Variants in HS1BP3 observed in about 807,000 individuals in gnomAD.
HS1BP3 encodes HCLS1-binding protein 3.
In HS1BP3, 32 loss-of-function variants were observed where a neutral mutation model predicts 33.5. The observed-to-expected ratio is 0.95, with a 90% confidence interval of 0.72 to 1.28. The LOEUF (loss-of-function observed/expected upper bound fraction) is 1.28. Ranked by LOEUF, HS1BP3 falls within the 50% of genes most tolerant of loss-of-function variation. HS1BP3 has a pLI of 0.00. For synonymous variants in HS1BP3, 187 were observed against 209.2 expected (o/e 0.89, Z 0.92); for missense variants, 486 against 502.3 (o/e 0.97, Z 0.31).
At chr2:20,572,311 C>T (rs1019709905) in intron 5 of HS1BP3, among the ~76,000 whole-genome samples, 8 of 152,198 alleles carry the variant, frequency 5.3e-5, no homozygotes, top group Admixed American at 3.3e-4. Flanking sequence ...CTGTTCCTAT[C>T]AGAACACTTC....
At chr2:20,630,234 T>C (rs1043157986) in intron 4 of HS1BP3, among the ~76,000 whole-genome samples, 2 of 152,254 alleles carry the variant, frequency 1.3e-5, no homozygotes, top group Non-Finnish European at 2.9e-5. Context: ...TACTTTATTC[T>C]TAAATTCAGC....
downstream of HS1BP3, among the ~76,000 whole-genome samples, chr2:20,559,148 G>C (rs1287957775): frequency 6.6e-6 from 1 of 152,180 alleles, no homozygotes; most frequent in East Asian, 1.9e-4. Flanking sequence ...GGCCAGAGAG[G>C]GAGAGGGCTA....
intron 3 of HS1BP3, among the ~76,000 whole-genome samples, chr2:20,596,905 C>T (rs78115432): frequency 2.0e-5 from 3 of 152,292 alleles, no homozygotes; most frequent in Admixed American, 1.3e-4. Context: ...ACTGCAGACC[C>T]GTGGCAGCCA....
chr2:20,589,634 A>G (rs1306250201), downstream of HS1BP3, among the ~76,000 whole-genome samples: 4 of 152,158 alleles, frequency 2.6e-5, no homozygotes, highest in African/African-American at 9.7e-5. Flanking sequence ...AGATCTGAAA[A>G]CACCAAGTTC....
intron 5 of HS1BP3, among the ~76,000 whole-genome samples, chr2:20,567,832 C>T (rs976640949): frequency 1.2e-4 from 18 of 152,224 alleles, no homozygotes; most frequent in Admixed American, 3.9e-4. Context: ...TGGAACCTGA[C>T]CCCAAGTTTG....
intron 3 of HS1BP3, among the ~76,000 whole-genome samples, chr2:20,639,842 C>G (rs1695283763): frequency 6.6e-6 from 1 of 152,192 alleles, no homozygotes; most frequent in Admixed American, 6.5e-5. Context: ...TGAGCTGGAA[C>G]CTCTTGGCAC....
Position 20,651,021 on chromosome 2 carries a change from G to A in HS1BP3, c.32+11C>T, listed in dbSNP as rs776170832. ...GAGCTGTGCGGTGTGGGGCGCGGGGGTCTGGCTCACCTGGAGGTGACGAGC... is the reference window on the plus strand; with the variant it reads ...GAGCTGTGCGGTGTGGGGCGCGGGGATCTGGCTCACCTGGAGGTGACGAGC... On this transcript the variant is annotated intron_variant, in intron 1 of 6. Coordinates refer to ENST00000304031, the MANE Select transcript of HS1BP3 (RefSeq NM_022460.4). The A allele has an allele frequency of 1.4e-5, 17 of 1,239,840 alleles. No homozygotes were observed. In the South Asian group the frequency reaches 4.8e-4, roughly 35 times the overall value. 76.8% of individuals were successfully genotyped at this position (1,239,840 alleles called of 1,614,324 possible).
intron 5 of HS1BP3, among the ~76,000 whole-genome samples, chr2:20,576,758 C>T (rs537188692): frequency 6.7e-4 from 102 of 152,096 alleles, no homozygotes; most frequent in African/African-American, 2.2e-3. Flanking sequence ...TGACCTGTCA[C>T]ACTGAGTCTA....
At chr2:20,570,543 T>C (rs1210951246) in intron 5 of HS1BP3, among the ~76,000 whole-genome samples, 1 of 152,174 alleles carries the variant, frequency 6.6e-6, no homozygotes, top group Non-Finnish European at 1.5e-5. Flanking sequence ...AGAGCCTCCA[T>C]TGCAGCCCCA....
chr2:20,579,509 G>C (rs1160868090), intron 5 of HS1BP3, among the ~76,000 whole-genome samples: 1 of 152,186 alleles, frequency 6.6e-6, no homozygotes, highest in African/African-American at 2.4e-5. Flanking sequence ...GGAGACTTCC[G>C]GCCCTCAGAG....
At chr2:20,630,473 T>C (rs1324361003) in intron 4 of HS1BP3, among the ~76,000 whole-genome samples, 1 of 152,152 alleles carries the variant, frequency 6.6e-6, no homozygotes, top group Non-Finnish European at 1.5e-5. Context: ...CTCGCTATGT[T>C]GCCCAGGCTG....
At chr2:20,646,307 G>A (rs1381075317) in intron 1 of HS1BP3, among the ~76,000 whole-genome samples, 1 of 152,130 alleles carries the variant, frequency 6.6e-6, no homozygotes, top group African/African-American at 2.4e-5. Flanking sequence ...TCTGACCATC[G>A]AGGTGAGACC....
At chr2:20,580,533 A>G (rs1395940642) in intron 5 of HS1BP3, among the ~76,000 whole-genome samples, 3 of 152,144 alleles carry the variant, frequency 2.0e-5, no homozygotes, top group Non-Finnish European at 4.4e-5. Context: ...AAAAGAAAAA[A>G]AAAGAAAAGA....
intron 2 of HS1BP3, among the ~76,000 whole-genome samples, chr2:20,600,190 G>A (rs1042104486): frequency 6.6e-5 from 10 of 152,204 alleles, no homozygotes; most frequent in East Asian, 3.9e-4. Context: ...TGTGATCTAC[G>A]GGTGTCATTA....
rs1418397708 is a variant in HS1BP3 at position 20,611,555 on chromosome 2, T to C, written c.178+12341A>G. On this transcript the variant is annotated intron_variant, in intron 2 of 3. Coordinates refer to the HS1BP3 transcript ENST00000415264. The surrounding 1 kb of genome is among the most constrained non-coding windows in gnomAD (Gnocchi z 4.9). ...TTGTTGCTCTGAGTGTGGGGTGAGC[T>C]GGAATGTACTCCCCGCTGCCGCAGT... 6.6e-6 allele frequency among the ~76,000 whole-genome samples: 1 copy of C among 152,178 alleles called. No homozygotes were observed. The highest frequency in any genetic ancestry group is 1.9e-4 in the East Asian group (1 of 5,198).
intron 4 of HS1BP3, among the ~76,000 whole-genome samples, chr2:20,625,967 T>C (rs941385109): frequency 2.6e-5 from 4 of 152,006 alleles, no homozygotes; most frequent in African/African-American, 9.7e-5. Context: ...CATTTTAAGG[T>C]TCCTGAAAAT....
intron 6 of HS1BP3, chr2:20,622,381 G>T: frequency 7.9e-7 from 1 of 1,261,180 alleles, no homozygotes; most frequent in Non-Finnish European, 1.0e-6. Flanking sequence ...CTAAAGTGAA[G>T]GTGGGGGTGC....
At chr2:20,594,340 C>T (rs1270707694) in intron 3 of HS1BP3, among the ~76,000 whole-genome samples, 2 of 152,172 alleles carry the variant, frequency 1.3e-5, no homozygotes, top group African/African-American at 4.8e-5. Context: ...GAGAAAAGAT[C>T]CTGGAGGAGG....
chr2:20,581,955 A>T (rs1375949613), intron 5 of HS1BP3, among the ~76,000 whole-genome samples: 1 of 152,152 alleles, frequency 6.6e-6, no homozygotes, highest in Non-Finnish European at 1.5e-5. Context: ...AAGGAGAGGT[A>T]CTCGACTCAG....
Sources: gnomAD v4.1 joint callset for allele counts (sites outside exome capture counted in the v4.1 genomes callset) on GRCh38, gnomAD v4.1.1 for gene constraint, Gnocchi (gnomAD v3.1) non-coding constraint, MANE v1.5 for transcripts, NCBI Gene and HGNC (gene_info 2026-07-23, HGNC 2026-07-21) for gene names.